ZNF438: variants seen among roughly 807,000 people sequenced by gnomAD.
ZNF438 encodes the protein zinc finger protein 438.
A neutral mutation model predicts 38.0 loss-of-function variants in ZNF438; 25 were observed. The ratio of observed to expected loss-of-function variants is 0.66; its 90% CI spans 0.48 to 0.92. The LOEUF (loss-of-function observed/expected upper bound fraction) is 0.92. Among genes scored for constraint, ZNF438 ranks in the 40% least tolerant of loss-of-function variants. ZNF438 has a pLI of 0.00. For synonymous variants in ZNF438, 372 were observed against 364.1 expected (o/e 1.02, Z -0.25); for missense variants, 1,007 against 999.6 (o/e 1.01, Z -0.10).
At chr10:30,930,408 C>T (rs2045517894) in intron 2 of ZNF438, among the ~76,000 whole-genome samples, 1 of 152,064 alleles carries the variant, frequency 6.6e-6, no homozygotes, top group Non-Finnish European at 1.5e-5. Context: ...CCCCGGTTCC[C>T]ACCCGCGCAT....
intron 1 of ZNF438, among the ~76,000 whole-genome samples, chr10:30,961,555 A>C (rs564847603): frequency 4.8e-5 from 7 of 146,268 alleles, no homozygotes; most frequent in Admixed American, 4.1e-4. Context: ...GCTAAATTTT[A>C]AATTTGATAG....
intron 1 of ZNF438, among the ~76,000 whole-genome samples, chr10:31,017,619 G>T (rs1019769477): frequency 6.6e-6 from 1 of 152,130 alleles, no homozygotes. Flanking sequence ...TTATCTGCTG[G>T]CCTCTGTGAC....
chr10:30,856,801 T>C (rs562130508), intron 4 of ZNF438, among the ~76,000 whole-genome samples: 7 of 152,328 alleles, frequency 4.6e-5, no homozygotes, highest in African/African-American at 1.7e-4. Flanking sequence ...TCAACAGGAA[T>C]ACTTAATATT....
At chr10:31,018,602 C>G (rs2056373448) in intron 1 of ZNF438, among the ~76,000 whole-genome samples, 1 of 152,210 alleles carries the variant, frequency 6.6e-6, no homozygotes, top group Admixed American at 6.5e-5. Context: ...TTGTGGAACA[C>G]CACTTCAGGC....
chr10:30,977,539 T>C (rs2051513387), intron 1 of ZNF438, among the ~76,000 whole-genome samples: 1 of 152,158 alleles, frequency 6.6e-6, no homozygotes, highest in African/African-American at 2.4e-5. Flanking sequence ...GGTAAGTGGC[T>C]TGTCTTAACA....
intron 2 of ZNF438, among the ~76,000 whole-genome samples, chr10:30,938,470 T>A (rs909313964): frequency 6.6e-6 from 1 of 151,978 alleles, no homozygotes; most frequent in South Asian, 2.1e-4. Flanking sequence ...GAGATGGGGT[T>A]TCATCATATT....
At position 31,001,674 on chromosome 10, in the gene ZNF438, G is replaced by A. The variant is rs559695244; in HGVS notation, c.-192+30159C>T. Among the ~76,000 whole-genome samples, 10 of 152,148 alleles carry A rather than the reference G, an allele frequency of 6.6e-5. No individual in the cohort carries two copies. The East Asian group carries it at 1.4e-3, about 21-fold the overall frequency. The stretch of plus-strand genomic sequence containing the variant: ...ACACTAAACATATCATTCTGTATTT[G>A]GTTACAAAATTTTGCCATAAGTTAC... On this transcript the variant is annotated intron_variant, in intron 1 of 5. Coordinates refer to ENST00000413025, the Ensembl canonical transcript of ZNF438.
intron 2 of ZNF438, among the ~76,000 whole-genome samples, chr10:30,934,341 C>G (rs1397585479): frequency 1.3e-5 from 2 of 152,062 alleles, no homozygotes; most frequent in African/African-American, 2.4e-5. Flanking sequence ...TTTGGTGTCC[C>G]ATGTAGAAAA....
At chr10:30,900,781 G>A (rs2041885878) in intron 3 of ZNF438, among the ~76,000 whole-genome samples, 1 of 152,132 alleles carries the variant, frequency 6.6e-6, no homozygotes, top group African/African-American at 2.4e-5. Context: ...AATAATGATA[G>A]TTAATGCTCA....
Position 30,941,574 on chromosome 10 carries a change from C to A in ZNF438, c.-115+1G>T, listed in dbSNP as rs1216437231. ...ACCAAGCTAGATGTGAGCAGACTTA[C>A]CTGAAGTGATTTGACTTAGCAAATG... On this transcript the variant is annotated splice_donor_variant, in intron 2 of 5. Transcript: ENST00000413025. LOFTEE classifies it low-confidence loss of function (5UTR_SPLICE). 1 of 152,274 alleles carries A rather than the reference C, an allele frequency of 6.6e-6. No homozygotes were observed. The highest frequency in any genetic ancestry group is 3.4e-3 in the Middle Eastern group (1 of 294). 9.4% of individuals were successfully genotyped at this position (152,274 alleles called of 1,614,324 possible). A position where few individuals can be genotyped will look rare whatever the true frequency, so the allele number is the denominator to read the frequency against.
chr10:30,874,309 T>C (rs992526644), intron 4 of ZNF438, among the ~76,000 whole-genome samples: 3 of 151,730 alleles, frequency 2.0e-5, no homozygotes, highest in African/African-American at 7.3e-5. Flanking sequence ...CCATCACGCC[T>C]AGCTAATTTT....
chr10:30,872,524 AC>A (rs1182801291), intron 4 of ZNF438, among the ~76,000 whole-genome samples: 1 of 148,340 alleles, frequency 6.7e-6, no homozygotes, highest in East Asian at 2.1e-4. Context: ...GCCGAGGCGG[AC>A]AGATCACGAG....
chr10:30,962,802 G>C (rs762048267), intron 1 of ZNF438, among the ~76,000 whole-genome samples: 4 of 117,130 alleles, frequency 3.4e-5, no homozygotes, highest in Non-Finnish European at 8.9e-5. Context: ...ATTTGCTACT[G>C]GCCAGAAGAC....
At chr10:30,979,912 TA>T (rs2051908805) in intron 1 of ZNF438, among the ~76,000 whole-genome samples, 1 of 152,218 alleles carries the variant, frequency 6.6e-6, no homozygotes, top group African/African-American at 2.4e-5. Context: ...GCTAAAGCTG[TA>T]ATATTTTTAT....
chr10:30,927,393 G>A (rs1223971916), intron 2 of ZNF438, among the ~76,000 whole-genome samples: 1 of 152,222 alleles, frequency 6.6e-6, no homozygotes, highest in African/African-American at 2.4e-5. Flanking sequence ...TGACCTTGGA[G>A]GAAAATGGGC....
At chr10:30,932,426 G>A (rs1467729726) in intron 2 of ZNF438, among the ~76,000 whole-genome samples, 1 of 152,114 alleles carries the variant, frequency 6.6e-6, no homozygotes, top group Non-Finnish European at 1.5e-5. Context: ...CATATAGTAT[G>A]TGCCAGGCAA....
chr10:30,971,900 T>C (rs955822080), intron 1 of ZNF438, among the ~76,000 whole-genome samples: 5 of 152,104 alleles, frequency 3.3e-5, no homozygotes, highest in Non-Finnish European at 7.4e-5. Flanking sequence ...CATAAAAAGA[T>C]TACCTTTTCC....
chr10:30,928,888 C>T (rs1037026870), intron 2 of ZNF438, among the ~76,000 whole-genome samples: 2 of 152,154 alleles, frequency 1.3e-5, no homozygotes, highest in Admixed American at 6.5e-5. Context: ...TTTTTAGCAC[C>T]ATGCCTCCCT....
At chr10:30,916,055 G>C (rs914041035) in intron 2 of ZNF438, among the ~76,000 whole-genome samples, 3 of 151,918 alleles carry the variant, frequency 2.0e-5, no homozygotes, top group Non-Finnish European at 4.4e-5. Flanking sequence ...CGGAACTTCT[G>C]AGAAACAGTC....
Sources: allele counts gnomAD v4.1 joint callset (sites outside exome capture counted in the v4.1 genomes callset), GRCh38; gene constraint gnomAD v4.1.1; transcripts MANE v1.5; gene names NCBI Gene and HGNC (gene_info 2026-07-23, HGNC 2026-07-21).